SRGAP2C: variants seen among roughly 807,000 people sequenced by gnomAD.
SRGAP2C encodes the protein SLIT-ROBO Rho GTPase activating protein 2C.
SRGAP2C carries 15 observed loss-of-function variants against 25.1 expected under a neutral mutation model. That is an observed-to-expected ratio of 0.60 (90% CI 0.40 to 0.92). SRGAP2C has a LOEUF of 0.92. Ranked by LOEUF, SRGAP2C falls within the 40% of genes least tolerant of loss-of-function variation. SRGAP2C has a pLI of 0.00. For synonymous variants in SRGAP2C, 44 were observed against 96.6 expected (o/e 0.46, Z 3.19); for missense variants, 144 against 264.4 (o/e 0.54, Z 3.16).
At position 121,224,732 on chromosome 1, in the gene SRGAP2C, G is replaced by A. The variant is rs587615428; in HGVS notation, c.67+37219G>A. On this transcript the variant is annotated intron_variant, in intron 2 of 9. Transcript: ENST00000367123. ...GAATTCTTCTAGGTAGTGCCTGTTT[G>A]TAGACTGGACAGGGAATAAAACCAC... is the stretch of plus-strand genomic sequence containing the variant. 8.0e-3 allele frequency among the ~76,000 whole-genome samples: 1,206 copies of A among 150,424 alleles called. 9 individuals carry two copies. Among genetic ancestry groups the A allele is most frequent in the African/African-American group, 0.028 (1,147 of 40,732 alleles).
At chr1:121,202,696 G>A (rs1226877292) in intron 2 of SRGAP2C, among the ~76,000 whole-genome samples, 1 of 151,936 alleles carries the variant, frequency 6.6e-6, no homozygotes, top group African/African-American at 2.4e-5. Flanking sequence ...CAAAGTGCTG[G>A]GATTATAGGC....
intron 2 of SRGAP2C, among the ~76,000 whole-genome samples, chr1:121,236,561 C>G (rs1262617100): frequency 6.6e-6 from 1 of 152,118 alleles, no homozygotes; most frequent in African/African-American, 2.4e-5. Flanking sequence ...ACCAGCATTC[C>G]ATTTAACTGA....
intron 2 of SRGAP2C, among the ~76,000 whole-genome samples, chr1:121,230,824 G>A (rs1185419965): frequency 3.3e-5 from 5 of 152,098 alleles, no homozygotes; most frequent in Admixed American, 1.3e-4. Flanking sequence ...AGAAAATATG[G>A]CACATAAACA....
At chr1:121,332,636 A>G (rs1658456624) in intron 4 of SRGAP2C, among the ~76,000 whole-genome samples, 3 of 147,380 alleles carry the variant, frequency 2.0e-5, no homozygotes, top group African/African-American at 7.5e-5. Flanking sequence ...TTTTGGCACT[A>G]AGGAAATGAA....
At chr1:121,315,336 A>T (rs1658072988) in intron 3 of SRGAP2C, among the ~76,000 whole-genome samples, 1 of 148,764 alleles carries the variant, frequency 6.7e-6, no homozygotes, top group African/African-American at 2.5e-5. Flanking sequence ...ACAGGTGAAG[A>T]GATTTTGAGA....
intron 7 of SRGAP2C, among the ~76,000 whole-genome samples, chr1:121,377,880 C>T (rs1455903727): frequency 1.1e-4 from 17 of 149,392 alleles, no homozygotes; most frequent in African/African-American, 4.2e-4. Context: ...GAGTACATCA[C>T]ATTGGTAAGA....
chr1:121,206,139 C>T (rs1393378178), intron 2 of SRGAP2C, among the ~76,000 whole-genome samples: 3 of 151,502 alleles, frequency 2.0e-5, no homozygotes, highest in African/African-American at 4.9e-5. Flanking sequence ...GTGCTTACCG[C>T]TCCTGCATCA....
At chr1:121,275,657 C>T (rs1330691782) in intron 2 of SRGAP2C, among the ~76,000 whole-genome samples, 6 of 151,134 alleles carry the variant, frequency 4.0e-5, no homozygotes, top group Non-Finnish European at 5.9e-5. Context: ...TGAAATATCC[C>T]TCTCATTGGC....
At chr1:121,206,819 A>G (rs1259345276) in intron 2 of SRGAP2C, among the ~76,000 whole-genome samples, 2 of 151,680 alleles carry the variant, frequency 1.3e-5, no homozygotes, top group African/African-American at 2.4e-5. Context: ...CACTGTAATC[A>G]AGAGATACCA....
At chr1:121,288,880 G>T (rs1657430047) in intron 3 of SRGAP2C, among the ~76,000 whole-genome samples, 1 of 74,982 alleles carries the variant, frequency 1.3e-5, no homozygotes, top group Admixed American at 1.3e-4. Context: ...AGACATAAAG[G>T]TTCTCCACGT....
At chr1:121,355,145 A>G (rs1395813869) in intron 4 of SRGAP2C, among the ~76,000 whole-genome samples, 1 of 140,058 alleles carries the variant, frequency 7.1e-6, no homozygotes, top group Non-Finnish European at 1.5e-5. Context: ...CAGAATTAAA[A>G]TGGGAACTAG....
At chr1:121,278,243 G>A (rs1657158806) in intron 2 of SRGAP2C, among the ~76,000 whole-genome samples, 2 of 151,734 alleles carry the variant, frequency 1.3e-5, no homozygotes, top group Non-Finnish European at 1.5e-5. Flanking sequence ...CACTGTGCCT[G>A]GCCTGTTTTG....
intron 3 of SRGAP2C, among the ~76,000 whole-genome samples, chr1:121,288,296 C>A (rs1657419390): frequency 2.9e-5 from 4 of 136,642 alleles, no homozygotes; most frequent in South Asian, 2.5e-4. Context: ...GTGCATTCAC[C>A]AACCTTGAGC....
In SRGAP2C at chr1:121,375,046, G is replaced by A. The variant is rs587762836; in HGVS notation, c.831+92G>A. 7.5e-6 allele frequency: 5 copies of A among 669,596 alleles called. No individual in the cohort carries two copies. The East Asian group carries it at 1.3e-4, about 18-fold the overall frequency. 41.5% of individuals were successfully genotyped at this position (669,596 alleles called of 1,614,324 possible). A position where few individuals can be genotyped will look rare whatever the true frequency, so the allele number is the denominator to read the frequency against. Reference sequence around the variant, plus strand: ...CCCGATACTATTGTTCAGGAATCTGGTGCATTTTGAGAACAATTAGGAAGA... The same window carrying A: ...CCCGATACTATTGTTCAGGAATCTGATGCATTTTGAGAACAATTAGGAAGA... On this transcript the variant is annotated intron_variant, in intron 7 of 9. Transcript: ENST00000367123.
chr1:121,222,426 C>T (rs587720172), intron 2 of SRGAP2C, among the ~76,000 whole-genome samples: 4 of 152,104 alleles, frequency 2.6e-5, no homozygotes, highest in East Asian at 1.9e-4. Context: ...CCCAGGAGAT[C>T]GAGAGCAGCC....
At chr1:121,286,009 A>T (rs1657356804) in intron 3 of SRGAP2C, among the ~76,000 whole-genome samples, 1 of 152,232 alleles carries the variant, frequency 6.6e-6, no homozygotes, top group African/African-American at 2.4e-5. Context: ...AATTGCAAAA[A>T]AAGTCATAAT....
intron 3 of SRGAP2C, among the ~76,000 whole-genome samples, chr1:121,305,216 GCA>G (rs1657802607): frequency 6.6e-6 from 1 of 151,904 alleles, no homozygotes; most frequent in Non-Finnish European, 1.5e-5. Context: ...ATCAGCATCA[GCA>G]TCAGCATCTG....
At chr1:121,345,842 G>A (rs1570795833) in intron 4 of SRGAP2C, among the ~76,000 whole-genome samples, 1 of 143,712 alleles carries the variant, frequency 7.0e-6, no homozygotes, top group East Asian at 2.1e-4. Flanking sequence ...GTAGAGACAG[G>A]GTTTCACTAT....
chr1:121,356,940 A>C (rs1238392854), intron 4 of SRGAP2C, among the ~76,000 whole-genome samples: 5 of 151,994 alleles, frequency 3.3e-5, no homozygotes, highest in Non-Finnish European at 5.9e-5. Flanking sequence ...TGTGTTTCAG[A>C]CTGGGAGAGC....
Sources: allele counts gnomAD v4.1 joint callset (sites outside exome capture counted in the v4.1 genomes callset), GRCh38; gene constraint gnomAD v4.1.1; transcripts MANE v1.5; gene names NCBI Gene and HGNC (gene_info 2026-07-23, HGNC 2026-07-21).